LEKR1: variants seen among roughly 807,000 people sequenced by gnomAD.
The protein encoded by LEKR1 is protein LEKR1.
In LEKR1, 59 loss-of-function variants were observed where a neutral mutation model predicts 72.4. The ratio of observed to expected loss-of-function variants is 0.82; its 90% CI spans 0.66 to 1.01. The LOEUF is 1.01. Ranked by LOEUF, LEKR1 falls within the 50% of genes least tolerant of loss-of-function variation. The probability of loss-of-function intolerance (pLI) is 0.00; values close to 1 mark genes in which losing one functional copy is unlikely to be tolerated. For missense variants in LEKR1, 728 were observed against 759.2 expected (o/e 0.96, Z 0.48); for synonymous variants, 257 against 263.2 (o/e 0.98, Z 0.23).
chr3:156,967,942 C>G (rs151042228), intron 6 of LEKR1, among the ~76,000 whole-genome samples: 2,478 of 152,306 alleles, frequency 0.016, 70 homozygotes, highest in African/African-American at 0.055. Flanking sequence ...AGAAACTCTA[C>G]AAGCCAGAAG....
intron 12 of LEKR1, among the ~76,000 whole-genome samples, chr3:157,044,142 A>G (rs908886763): frequency 6.6e-6 from 1 of 152,232 alleles, no homozygotes; most frequent in Non-Finnish European, 1.5e-5. Context: ...TAAGAAGCAG[A>G]CTTGGGAATG....
At chr3:157,041,105 AG>A (rs1735309376) in intron 12 of LEKR1, among the ~76,000 whole-genome samples, 1 of 152,120 alleles carries the variant, frequency 6.6e-6, no homozygotes, top group Non-Finnish European at 1.5e-5. Flanking sequence ...TTTCCTTCTC[AG>A]GGGGAGGGCA....
At chr3:156,836,550 T>C (rs990480697) in intron 2 of LEKR1, among the ~76,000 whole-genome samples, 9 of 152,248 alleles carry the variant, frequency 5.9e-5, no homozygotes, top group African/African-American at 2.2e-4. Flanking sequence ...TCCTTTTAAA[T>C]CTTTTATTAC....
At chr3:157,028,044 G>C in intron 11 of LEKR1, 59 bp from the exon 12 acceptor site, 1 of 1,161,500 alleles carries the variant, frequency 8.6e-7, no homozygotes. Context: ...AAAACCATAA[G>C]AATTCTGTGG....
At chr3:156,953,264 T>TAACATTGTACACTATGGTTAACATTG (rs1727327893) in intron 6 of LEKR1, among the ~76,000 whole-genome samples, 1 of 151,566 alleles carries the variant, frequency 6.6e-6, no homozygotes, top group Non-Finnish European at 1.5e-5. Context: ...AACACACAGT[T>TAACATTGTACACTATGGTTAACATTG]TCCCCTATGG....
chr3:156,889,115 C>T (rs538835301), intron 3 of LEKR1, among the ~76,000 whole-genome samples: 1 of 152,130 alleles, frequency 6.6e-6, no homozygotes, highest in South Asian at 2.1e-4. Context: ...AAGTAAAGCT[C>T]AGAGTTGTCA....
chr3:156,852,730 A>AC (rs1278316339), intron 2 of LEKR1, 38 bp from the exon 3 acceptor site: 20 of 1,097,988 alleles, frequency 1.8e-5, no homozygotes, highest in Non-Finnish European at 2.4e-5. Context: ...TTTTTTCAGA[A>AC]TTAAAAAAAT....
At chr3:156,929,745 G>A (rs965228961) in intron 5 of LEKR1, among the ~76,000 whole-genome samples, 3 of 152,104 alleles carry the variant, frequency 2.0e-5, no homozygotes, top group African/African-American at 4.8e-5. Context: ...ACAATTGTCA[G>A]CTTTCTATTA....
chr3:156,992,792 T>C (rs951265913), intron 8 of LEKR1, 62 bp downstream of exon 8: 7 of 327,272 alleles, frequency 2.1e-5, no homozygotes, highest in African/African-American at 8.9e-5. Context: ...TGTATTTAAG[T>C]AACATTTTAT....
rs1734080452 is a variant in LEKR1 at position 157,024,894 on chromosome 3, T to C, written c.1338T>C (p.Tyr446=). Residue 446 remains tyrosine (Y), a synonymous_variant, in exon 11 of 13, where the codon TAT becomes TAC. Coordinates refer to ENST00000356539, the MANE Select transcript of LEKR1 (RefSeq NM_001004316.3). ...AACACCAAGATGTAATCCAAAAGTATAAGAAAGAACAAGAGGAACTACAAA... is the reference window on the plus strand; with the variant it reads ...AACACCAAGATGTAATCCAAAAGTACAAGAAAGAACAAGAGGAACTACAAA... ...KEKHQDVIQK[Y]KKEQEELQMK... is the part of the protein sequence containing the mutation. The C allele has an allele frequency of 1.3e-6, 2 of 1,599,618 alleles. No homozygotes were observed. Among genetic ancestry groups the C allele is most frequent in the Non-Finnish European group, 8.5e-7 (1 of 1,172,256 alleles).
At chr3:156,855,406 GT>G (rs1485996994) in intron 3 of LEKR1, among the ~76,000 whole-genome samples, 1 of 151,962 alleles carries the variant, frequency 6.6e-6, no homozygotes, top group Non-Finnish European at 1.5e-5. Context: ...CTGAACATTT[GT>G]TTGTGTATTA....
At chr3:156,906,965 G>A (rs1469492217) in intron 3 of LEKR1, among the ~76,000 whole-genome samples, 1 of 152,070 alleles carries the variant, frequency 6.6e-6, no homozygotes, top group Non-Finnish European at 1.5e-5. Context: ...TAATACATAT[G>A]TTTAATCTTA....
At chr3:156,876,976 A>G (rs956950916) in intron 3 of LEKR1, among the ~76,000 whole-genome samples, 2 of 152,158 alleles carry the variant, frequency 1.3e-5, no homozygotes, top group Non-Finnish European at 1.5e-5. Flanking sequence ...GATAGCTTTT[A>G]TTACCTTAAG....
chr3:156,828,649 T>A (rs1294907538), intron 1 of LEKR1, among the ~76,000 whole-genome samples: 1 of 151,980 alleles, frequency 6.6e-6, no homozygotes, highest in Non-Finnish European at 1.5e-5. Flanking sequence ...ATGAAAGTAG[T>A]GACTGACCTT....
In LEKR1 at chr3:156,845,532, C is replaced by CT. The variant is rs910190791; in HGVS notation, c.49-7230dup. Among the ~76,000 whole-genome samples, 4 of 147,842 alleles carry CT rather than the reference C, an allele frequency of 2.7e-5. No homozygotes were observed. The East Asian group carries it at 5.9e-4, about 22-fold the overall frequency. ...ATATGTGAGGTTTAGGTTGAGGTTCCTTTTTTAAAAAAAAAAATGTATGGA... is the reference window on the plus strand; with the variant it reads ...ATATGTGAGGTTTAGGTTGAGGTTCCTTTTTTTAAAAAAAAAAATGTATGGA... On this transcript the variant is annotated intron_variant, in intron 2 of 12. Coordinates refer to ENST00000356539, the MANE Select transcript of LEKR1 (RefSeq NM_001004316.3).
intron 6 of LEKR1, among the ~76,000 whole-genome samples, chr3:156,954,206 G>A (rs1286345118): frequency 2.0e-5 from 3 of 151,670 alleles, no homozygotes; most frequent in Admixed American, 2.0e-4. Flanking sequence ...TTTTTAATGG[G>A]GTTGTTTGTT....
At chr3:156,913,902 GATAAA>G (rs1159768671) in intron 3 of LEKR1, among the ~76,000 whole-genome samples, 99 of 152,200 alleles carry the variant, frequency 6.5e-4, no homozygotes, top group African/African-American at 2.3e-3. Flanking sequence ...AGGAGAAAAT[GATAAA>G]ATAAATACTC....
chr3:156,958,422 T>C (rs2107981691), intron 6 of LEKR1, among the ~76,000 whole-genome samples: 1 of 152,264 alleles, frequency 6.6e-6, no homozygotes, highest in Non-Finnish European at 1.5e-5. Context: ...TTGCAGTGTT[T>C]TATTGCAAAG....
chr3:156,989,611 G>C (rs11918415), intron 7 of LEKR1, among the ~76,000 whole-genome samples: 1 of 151,968 alleles, frequency 6.6e-6, no homozygotes, highest in South Asian at 2.1e-4. Context: ...TTTTCTAACT[G>C]TATGTTAATA....
Sources: gnomAD v4.1 joint callset for allele counts (sites outside exome capture counted in the v4.1 genomes callset) on GRCh38, gnomAD v4.1.1 for gene constraint, MANE v1.5 for transcripts, NCBI Gene and HGNC (gene_info 2026-07-23, HGNC 2026-07-21) for gene names.